CHL1: variants seen among roughly 807,000 people sequenced by gnomAD.
CHL1 encodes neural cell adhesion molecule L1-like protein.
Under a neutral mutation model 141.9 loss-of-function variants are expected in CHL1, and 96 were observed. The ratio of observed to expected loss-of-function variants is 0.68; its 90% CI spans 0.57 to 0.80. CHL1 has a LOEUF of 0.80. CHL1 is among the 30% of genes least tolerant of loss of function. The pLI is 0.00. For synonymous variants in CHL1, 613 were observed against 502.2 expected (o/e 1.22, Z -2.95); for missense variants, 1,820 against 1,457.2 (o/e 1.25, Z -4.05).
At chr3:257,191 A>C (rs1026529977) in intron 2 of CHL1, among the ~76,000 whole-genome samples, 1 of 152,204 alleles carries the variant, frequency 6.6e-6, no homozygotes, top group African/African-American at 2.4e-5. Flanking sequence ...TACGTAATCT[A>C]AGATATAATT....
At chr3:393,002 G>A (rs573260857) in intron 23 of CHL1, among the ~76,000 whole-genome samples, 5 of 152,214 alleles carry the variant, frequency 3.3e-5, no homozygotes, top group Admixed American at 6.5e-5. Flanking sequence ...GGGAGGCCGA[G>A]GCTGGTGGAT....
At chr3:353,251 A>G (rs1703418210) in intron 10 of CHL1, among the ~76,000 whole-genome samples, 2 of 152,084 alleles carry the variant, frequency 1.3e-5, no homozygotes, top group Admixed American at 6.6e-5. Context: ...AATAGTTGTA[A>G]TTTTCTATTA....
chr3:376,537 ATGACTTGCC>A, intron 15 of CHL1: 1 of 388,854 alleles, frequency 2.6e-6, no homozygotes, highest in South Asian at 2.1e-5. Flanking sequence ...TAGTGCAACC[ATGACTTGCC>A]AAAAAAATTG....
At chr3:357,477 G>C (rs1276070037) in intron 11 of CHL1, among the ~76,000 whole-genome samples, 1 of 152,168 alleles carries the variant, frequency 6.6e-6, no homozygotes, top group East Asian at 1.9e-4. Context: ...TGGCAACTGA[G>C]ACTCAGAGAG....
chr3:240,511 A>T (rs1692452511), intron 1 of CHL1, among the ~76,000 whole-genome samples: 1 of 151,914 alleles, frequency 6.6e-6, no homozygotes, highest in African/African-American at 2.4e-5. Context: ...CCTTTGTTGG[A>T]TGTATAGATT....
intron 1 of CHL1, among the ~76,000 whole-genome samples, chr3:207,457 C>G (rs1699536332): frequency 6.6e-6 from 1 of 152,158 alleles, no homozygotes; most frequent in Non-Finnish European, 1.5e-5. Flanking sequence ...CTGTAAAATG[C>G]ATCTGATGAC....
At chr3:242,316 GCTGA>G (rs1692660449) in intron 1 of CHL1, among the ~76,000 whole-genome samples, 2 of 151,556 alleles carry the variant, frequency 1.3e-5, no homozygotes, top group Non-Finnish European at 2.9e-5. Context: ...ACAGAGACTG[GCTGA>G]GCGCGGTGGC....
chr3:391,242 C>G (rs1402076105), intron 22 of CHL1, 83 bp downstream of exon 22: 5 of 1,113,064 alleles, frequency 4.5e-6, no homozygotes, highest in Non-Finnish European at 5.4e-6. Context: ...TGGCCAGGCA[C>G]AGTGGCTCAT....
At chr3:344,386 A>T (rs1317451999) in intron 8 of CHL1, among the ~76,000 whole-genome samples, 2 of 151,972 alleles carry the variant, frequency 1.3e-5, no homozygotes, top group Non-Finnish European at 2.9e-5. Context: ...GCTCAGTAAA[A>T]ACATATGAGG....
At position 328,291 on chromosome 3, in the gene CHL1, C is replaced by T. The variant is rs774894565; in HGVS notation, c.322C>T (p.Arg108Cys). The T allele has an allele frequency of 6.8e-6, 11 of 1,612,024 alleles. No homozygotes were observed. Among genetic ancestry groups the T allele is most frequent in the Admixed American group, 6.7e-5 (4 of 59,822 alleles). ...GHISHFQGKYRCFASNKLGIA... is the reference protein window; with the variant it reads ...GHISHFQGKYCCFASNKLGIA... Reference sequence around the variant, plus strand: ...CATATCTCACTTTCAAGGGAAATACCGCTGCTTTGCTTCAAATAAACTGGG... The same window carrying T: ...CATATCTCACTTTCAAGGGAAATACTGCTGCTTTGCTTCAAATAAACTGGG... The change falls in exon 5 of 28, where the codon CGC (arginine) becomes TGC (cysteine). Residue 108 changes from arginine (R) to cysteine (C), a missense_variant. Transcript: ENST00000256509.
chr3:343,124 T>G (rs1702470738), intron 8 of CHL1, 93 bp downstream of exon 8: 1 of 933,250 alleles, frequency 1.1e-6, no homozygotes, highest in African/African-American at 1.7e-5. Context: ...CTTAAGTTTA[T>G]TACAATACTG....
At chr3:282,260 T>C (rs1381815668) in intron 2 of CHL1, among the ~76,000 whole-genome samples, 1 of 152,236 alleles carries the variant, frequency 6.6e-6, no homozygotes, top group Non-Finnish European at 1.5e-5. Context: ...CTCTAATATG[T>C]ACCTGTTACT....
intron 25 of CHL1, among the ~76,000 whole-genome samples, chr3:398,689 T>C (rs1338105808): frequency 1.3e-5 from 2 of 152,206 alleles, no homozygotes; most frequent in Non-Finnish European, 1.5e-5. Context: ...CCGGTCTCCA[T>C]GGTCATCTGC....
intron 2 of CHL1, among the ~76,000 whole-genome samples, chr3:285,645 T>C (rs957656004): frequency 6.6e-6 from 1 of 152,178 alleles, no homozygotes; most frequent in Non-Finnish European, 1.5e-5. Context: ...AATTTTAAAA[T>C]TGAGATCATA....
chr3:342,141 T>C, intron 7 of CHL1, 59 bp downstream of exon 7: 1 of 1,476,792 alleles, frequency 6.8e-7, no homozygotes, highest in Non-Finnish European at 9.3e-7. Context: ...TGTCTGTAAT[T>C]TCCTTCTGGC....
chr3:381,891 G>A (rs1447183939), intron 16 of CHL1, among the ~76,000 whole-genome samples: 1 of 152,066 alleles, frequency 6.6e-6, no homozygotes, highest in African/African-American at 2.4e-5. Context: ...GTTTCTATAG[G>A]AGAACCAAAC....
chr3:288,221 C>CT (rs750025342), intron 2 of CHL1, among the ~76,000 whole-genome samples: 14 of 152,154 alleles, frequency 9.2e-5, no homozygotes, highest in Non-Finnish European at 1.9e-4. Flanking sequence ...TTGGTCACTA[C>CT]TTTAAGATTT....
chr3:385,222 A>T (rs1707539697), intron 19 of CHL1, among the ~76,000 whole-genome samples: 1 of 152,184 alleles, frequency 6.6e-6, no homozygotes, highest in African/African-American at 2.4e-5. Flanking sequence ...TATCAGTAAT[A>T]CTGTGTATTT....
chr3:319,725 A>G lies in CHL1; in HGVS notation c.-52A>G. 1 of 1,189,176 alleles carries G rather than the reference A, an allele frequency of 8.4e-7. No individual in the cohort carries two copies. The allele number at this position is 1,189,176 out of a possible 1,614,324, so 73.7% of individuals were successfully genotyped here. On this transcript the variant is annotated 5_prime_UTR_variant, in exon 3 of 28. Coordinates refer to ENST00000256509, the MANE Select transcript of CHL1 (RefSeq NM_006614.4). ...GTCTCAGCTGTAAACCAAAAGTGAG[A>G]GGAGACATTAAGATTTTCATTCTTA...
Sources: allele counts gnomAD v4.1 joint callset (sites outside exome capture counted in the v4.1 genomes callset), GRCh38; gene constraint gnomAD v4.1.1; transcripts MANE v1.5; gene names NCBI Gene and HGNC (gene_info 2026-07-23, HGNC 2026-07-21).